Variants in MYO1E observed in about 807,000 individuals in gnomAD.
The protein encoded by MYO1E is myosin IE.
In MYO1E, 68 loss-of-function variants were observed where a neutral mutation model predicts 151.1. The observed-to-expected ratio is 0.45, with a 90% CI of 0.37 to 0.55. The LOEUF (loss-of-function observed/expected upper bound fraction) is 0.55. Ranked by LOEUF, MYO1E falls within the 20% of genes least tolerant of loss-of-function variation. The pLI is 0.00. For missense variants in MYO1E, 1,363 were observed against 1,389.3 expected, an observed-to-expected ratio of 0.98 and a Z score of 0.30; for synonymous variants, 601 against 501.7, an observed-to-expected ratio of 1.20 and a Z score of -2.64.
At chr15:59,175,682 T>G (rs537928108) in intron 19 of MYO1E, among the ~76,000 whole-genome samples, 195 of 152,310 alleles carry the variant, frequency 1.3e-3, no homozygotes, top group Non-Finnish European at 2.2e-3. Flanking sequence ...CCATTGATAT[T>G]TCTTATCTTG....
Position 59,136,568 on chromosome 15 carries a change from T to C in MYO1E, c.*812A>G. On this transcript the variant is annotated 3_prime_UTR_variant, in exon 28 of 28. Transcript: ENST00000288235. ...CTTATGAATGAGTACAGTGGAATAC[T>C]ACTTAGTACATTCATACATGTTTCT... The C allele has an allele frequency of 2.6e-6, 1 of 378,970 alleles. No homozygotes were observed. Among genetic ancestry groups the C allele is most frequent in the Non-Finnish European group, 5.3e-6 (1 of 188,080 alleles). 23.5% of individuals were successfully genotyped at this position (378,970 alleles called of 1,614,324 possible). A position where few individuals can be genotyped will look rare whatever the true frequency, so the allele number is the denominator to read the frequency against.
intron 19 of MYO1E, among the ~76,000 whole-genome samples, chr15:59,175,411 GTC>G (rs1430234714): frequency 6.6e-6 from 1 of 152,202 alleles, no homozygotes; most frequent in Non-Finnish European, 1.5e-5. Context: ...TTGATTTGTT[GTC>G]TCTGTTTATC....
At chr15:59,277,548 C>CAAAAAAAAAAAAAA (rs1166969756) in intron 1 of MYO1E, among the ~76,000 whole-genome samples, 8 of 42,946 alleles carry the variant, frequency 1.9e-4, no homozygotes, top group African/African-American at 6.4e-4. Context: ...CATCCCCCCA[C>CAAAAAAAAAAAAAA]AAAAAAAAAA....
In MYO1E at chr15:59,207,843, T is replaced by C. The variant is rs116425370; in HGVS notation, c.1530+838A>G. ...TGAAAGGTTATACTTCTTGGGCCATTGGCCTATCTGTGGCCGATTTAACAG... is the reference window on the plus strand; with the variant it reads ...TGAAAGGTTATACTTCTTGGGCCATCGGCCTATCTGTGGCCGATTTAACAG... On this transcript the variant is annotated intron_variant, in intron 14 of 27. Coordinates refer to ENST00000288235, the MANE Select transcript of MYO1E (RefSeq NM_004998.4). The C allele has an allele frequency of 4.7e-3, 7,589 of 1,614,198 alleles. 290 individuals carry two copies. The African/African-American group carries it at 0.089, about 19-fold the overall frequency.
At chr15:59,355,994 T>C (rs145815180) in intron 1 of MYO1E, among the ~76,000 whole-genome samples, 170 of 152,280 alleles carry the variant, frequency 1.1e-3, no homozygotes, top group Non-Finnish European at 2.2e-3. Context: ...GCTGGGATTA[T>C]AAGTGTGAGC....
intron 26 of MYO1E, among the ~76,000 whole-genome samples, chr15:59,142,300 T>G (rs552615908): frequency 6.6e-6 from 1 of 152,120 alleles, no homozygotes; most frequent in South Asian, 2.1e-4. Context: ...GTGTCCTTAG[T>G]GTAGACTGAC....
chr15:59,223,251 G>C lies in MYO1E; in HGVS notation c.778-60C>G, dbSNP rs1055674650. The C allele has an allele frequency of 1.1e-5, 17 of 1,607,104 alleles. No homozygotes were observed. In the East Asian group the frequency reaches 3.8e-4, roughly 36 times the overall value. On this transcript the variant is annotated intron_variant, in intron 8 of 27. Coordinates refer to ENST00000288235, the MANE Select transcript of MYO1E (RefSeq NM_004998.4). Reference sequence around the variant, plus strand: ...GGTCACCAGCTTTAAAAGCACCTTAGGAAGAAGCCAAGGCACAGCAGCTGC... The same window carrying C: ...GGTCACCAGCTTTAAAAGCACCTTACGAAGAAGCCAAGGCACAGCAGCTGC...
At chr15:59,364,830 G>T (rs552453609) in intron 1 of MYO1E, among the ~76,000 whole-genome samples, 1 of 151,750 alleles carries the variant, frequency 6.6e-6, no homozygotes, top group African/African-American at 2.4e-5. Context: ...GCTTGAAACT[G>T]GGAGGCAGAA....
rs1391024616 is a variant in MYO1E at position 59,136,537 on chromosome 15, A to C, written c.*843T>G. 3.1e-6 allele frequency: 1 copy of C among 323,552 alleles called. No homozygotes were observed. Among genetic ancestry groups the C allele is most frequent in the Admixed American group, 3.8e-5 (1 of 26,552 alleles). The allele number at this position is 323,552 out of a possible 1,614,324, so 20.0% of individuals were successfully genotyped here. A position where few individuals can be genotyped will look rare whatever the true frequency, so the allele number is the denominator to read the frequency against. On this transcript the variant is annotated 3_prime_UTR_variant, in exon 28 of 28. Coordinates refer to ENST00000288235, the MANE Select transcript of MYO1E (RefSeq NM_004998.4). The stretch of plus-strand genomic sequence containing the variant: ...TACCTGGTGTGAGTTTTGTAAGAAA[A>C]CCTACCTTATGAATGAGTACAGTGG...
rs5812967 is a variant in MYO1E at position 59,253,481 on chromosome 15, G to GTTTT, written c.332+2799_332+2802dup. Reference sequence around the variant, plus strand: ...AAAAACGGAATCTGAGTCTGATCGAGTTTTTTTTTTTTTTTTTTTGAGACA... The same window carrying GTTTT: ...AAAAACGGAATCTGAGTCTGATCGAGTTTTTTTTTTTTTTTTTTTTTTTGAGACA... On this transcript the variant is annotated intron_variant, in intron 4 of 27. Transcript: ENST00000288235. Among the ~76,000 whole-genome samples the GTTTT allele has an allele frequency of 3.5e-3, 447 of 126,878 alleles. 9 individuals carry two copies. Among genetic ancestry groups the GTTTT allele is most frequent in the African/African-American group, 0.012 (410 of 33,742 alleles). 83.2% of individuals were successfully genotyped at this position (126,878 alleles called of 152,430 possible).
chr15:59,326,107 A>C lies in MYO1E; in HGVS notation c.3+46391T>G, dbSNP rs186920983. Among the ~76,000 whole-genome samples, 140 of 152,232 alleles carry C rather than the reference A, an allele frequency of 9.2e-4. No homozygotes were observed. In the Middle Eastern group the frequency reaches 0.024, roughly 26 times the overall value. On this transcript the variant is annotated intron_variant, in intron 1 of 27. Coordinates refer to ENST00000288235, the MANE Select transcript of MYO1E (RefSeq NM_004998.4). ...AAAGGTTCAGTTCCTCTTCCATTTGAGTACATTTGTATTATCAGATGCTTA... is the reference window on the plus strand; with the variant it reads ...AAAGGTTCAGTTCCTCTTCCATTTGCGTACATTTGTATTATCAGATGCTTA...
At chr15:59,192,715 C>T (rs78209242) in intron 17 of MYO1E, among the ~76,000 whole-genome samples, 12,085 of 152,202 alleles carry the variant, frequency 0.079, 629 homozygotes, top group Middle Eastern at 0.13. Context: ...GGCTAAGGCC[C>T]CCTTTGGCAA....
intron 1 of MYO1E, among the ~76,000 whole-genome samples, chr15:59,290,051 C>T (rs1596402519): frequency 6.6e-6 from 1 of 152,130 alleles, no homozygotes; most frequent in Non-Finnish European, 1.5e-5. Flanking sequence ...AGGTGCTTTG[C>T]GTACATTGTT....
At chr15:59,311,286 T>C (rs1376430198) in intron 1 of MYO1E, among the ~76,000 whole-genome samples, 1 of 152,052 alleles carries the variant, frequency 6.6e-6, no homozygotes, top group Non-Finnish European at 1.5e-5. Flanking sequence ...CCTCACATCA[T>C]CAGGCATTAG....
chr15:59,184,770 G>A (rs1172943325), intron 18 of MYO1E, among the ~76,000 whole-genome samples: 1 of 152,178 alleles, frequency 6.6e-6, no homozygotes, highest in East Asian at 1.9e-4. Flanking sequence ...ATATCTCTTT[G>A]ATATCCTGAT....
intron 1 of MYO1E, among the ~76,000 whole-genome samples, chr15:59,347,266 G>A (rs1253328980): frequency 1.3e-5 from 2 of 152,170 alleles, no homozygotes; most frequent in Non-Finnish European, 2.9e-5. Context: ...CAGGATCCAG[G>A]CTGCGCGCTT....
In MYO1E at chr15:59,138,580, A is replaced by C. The variant is rs553300970; in HGVS notation, c.3081-213T>G. ...TTGCAAATGCACATAGCTCTTAAAA[A>C]CCTTAGCTGCTGTTGTCACTGTGTC... is the stretch of plus-strand genomic sequence containing the variant. On this transcript the variant is annotated intron_variant, in intron 26 of 27. Coordinates refer to ENST00000288235, the MANE Select transcript of MYO1E (RefSeq NM_004998.4). 2.0e-5 allele frequency among the ~76,000 whole-genome samples: 3 copies of C among 152,202 alleles called. No individual in the cohort carries two copies. The South Asian group carries it at 6.2e-4, about 32-fold the overall frequency.
chr15:59,354,265 C>T (rs1045848062), intron 1 of MYO1E, among the ~76,000 whole-genome samples: 4 of 152,166 alleles, frequency 2.6e-5, no homozygotes, highest in East Asian at 3.8e-4. Context: ...GAGAGCAATA[C>T]CAGATTCCTC....
rs1034260414 is a variant in MYO1E at position 59,337,354 on chromosome 15, T to C, written c.3+35144A>G. Among the ~76,000 whole-genome samples the C allele has an allele frequency of 9.2e-5, 14 of 152,248 alleles. No homozygotes were observed. In the South Asian group the frequency reaches 2.9e-3, roughly 32 times the overall value. ...GCTCTGCTCAGGAATGGAGTTGTGT[T>C]ATCCATATCTACAACTGCTGAGCTT... On this transcript the variant is annotated intron_variant, in intron 1 of 27. Coordinates refer to ENST00000288235, the MANE Select transcript of MYO1E (RefSeq NM_004998.4).
Sources: gnomAD v4.1 joint callset for allele counts (sites outside exome capture counted in the v4.1 genomes callset) on GRCh38, gnomAD v4.1.1 for gene constraint, MANE v1.5 for transcripts, NCBI Gene and HGNC (gene_info 2026-07-23, HGNC 2026-07-21) for gene names.